Variants in ST6GALNAC3 observed in about 807,000 individuals in gnomAD.
ST6GALNAC3 encodes alpha-N-acetylgalactosaminide alpha-2,6-sialyltransferase 3.
Under a neutral mutation model 32.7 loss-of-function variants are expected in ST6GALNAC3, and 25 were observed. The observed-to-expected ratio is 0.76, with a 90% CI of 0.56 to 1.07. The LOEUF is 1.07. Among genes scored for constraint, ST6GALNAC3 ranks in the 50% least tolerant of loss-of-function variants. The pLI is 0.00. For missense variants in ST6GALNAC3, 355 were observed against 382.4 expected, an observed-to-expected ratio of 0.93 and a Z score of 0.60; for synonymous variants, 129 against 133.1, an observed-to-expected ratio of 0.97 and a Z score of 0.21.
intron 1 of ST6GALNAC3, among the ~76,000 whole-genome samples, chr1:76,219,237 G>A (rs1468300026): frequency 6.6e-6 from 1 of 152,210 alleles, no homozygotes; most frequent in Non-Finnish European, 1.5e-5. Flanking sequence ...GGATATGGCT[G>A]TTCCTGCTCT....
intron 1 of ST6GALNAC3, among the ~76,000 whole-genome samples, chr1:76,096,145 A>G (rs1167524191): frequency 1.3e-5 from 2 of 152,168 alleles, no homozygotes; most frequent in East Asian, 1.9e-4. Context: ...ATGCAGAAGA[A>G]TATTAAGTTT....
chr1:76,221,975 T>A (rs1293667362), intron 1 of ST6GALNAC3, among the ~76,000 whole-genome samples: 1 of 152,186 alleles, frequency 6.6e-6, no homozygotes, highest in Non-Finnish European at 1.5e-5. Context: ...GTAATGTGAA[T>A]GATGGACAGG....
rs543779949 is a variant in ST6GALNAC3 at position 76,453,184 on chromosome 1, A to G, written c.623+40767A>G. 6.0e-4 allele frequency among the ~76,000 whole-genome samples: 92 copies of G among 152,174 alleles called. 1 individual carries two copies. The highest frequency in any genetic ancestry group is 2.1e-3 in the African/African-American group (88 of 41,524). On this transcript the variant is annotated intron_variant, in intron 3 of 4. Coordinates refer to ENST00000328299, the MANE Select transcript of ST6GALNAC3 (RefSeq NM_152996.4). ...ATTTTCTGTCTTCTTTTCTTGGTTA[A>G]TCTTGCTAGTGGTCTATCAATTTTA...
At chr1:76,535,814 A>AT (rs142475545) in intron 3 of ST6GALNAC3, among the ~76,000 whole-genome samples, 15 of 150,158 alleles carry the variant, frequency 1.0e-4, no homozygotes, top group South Asian at 4.2e-4. Flanking sequence ...CTATAAGGCT[A>AT]TTTTTTTTTT....
intron 3 of ST6GALNAC3, among the ~76,000 whole-genome samples, chr1:76,432,279 T>C (rs1655810453): frequency 6.6e-6 from 1 of 152,136 alleles, no homozygotes; most frequent in Non-Finnish European, 1.5e-5. Context: ...AAGGACATCT[T>C]GGTTGTTTCC....
chr1:76,302,009 A>G (rs962663761), intron 1 of ST6GALNAC3, among the ~76,000 whole-genome samples: 8 of 152,012 alleles, frequency 5.3e-5, no homozygotes, highest in African/African-American at 1.9e-4. Flanking sequence ...ATCATTTAAA[A>G]TAGTCCAGGC....
At chr1:76,383,944 T>C (rs1651910197) in intron 2 of ST6GALNAC3, among the ~76,000 whole-genome samples, 1 of 152,168 alleles carries the variant, frequency 6.6e-6, no homozygotes. Flanking sequence ...ATGGGAAATT[T>C]TCTTAAGTAC....
intron 3 of ST6GALNAC3, among the ~76,000 whole-genome samples, chr1:76,511,572 T>C (rs1332276722): frequency 6.6e-6 from 1 of 152,222 alleles, no homozygotes; most frequent in Non-Finnish European, 1.5e-5. Flanking sequence ...AGAGCAAAGA[T>C]ACAGAATTTT....
intron 1 of ST6GALNAC3, among the ~76,000 whole-genome samples, chr1:76,181,624 A>C (rs1653186092): frequency 6.6e-6 from 1 of 152,190 alleles, no homozygotes; most frequent in Non-Finnish European, 1.5e-5. Flanking sequence ...TATTCACGTT[A>C]CCTAGCTATT....
chr1:76,157,010 T>C (rs996432788), intron 1 of ST6GALNAC3, among the ~76,000 whole-genome samples: 57 of 152,152 alleles, frequency 3.7e-4, no homozygotes, highest in African/African-American at 9.7e-4. Context: ...GGATTACAGG[T>C]GTAAGCCACG....
chr1:76,448,573 C>G (rs148126340), intron 3 of ST6GALNAC3, among the ~76,000 whole-genome samples: 32 of 152,198 alleles, frequency 2.1e-4, no homozygotes, highest in African/African-American at 7.0e-4. Context: ...GTGGGAGGGA[C>G]CTGGTGGGAG....
intron 2 of ST6GALNAC3, among the ~76,000 whole-genome samples, chr1:76,410,851 G>C (rs146215228): frequency 6.6e-6 from 1 of 152,238 alleles, no homozygotes; most frequent in East Asian, 1.9e-4. Context: ...ACGGGGGAAT[G>C]GAGTTAAAAT....
At chr1:76,237,090 G>T (rs1203625175) in intron 1 of ST6GALNAC3, among the ~76,000 whole-genome samples, 4 of 152,196 alleles carry the variant, frequency 2.6e-5, no homozygotes, top group Non-Finnish European at 5.9e-5. Context: ...CGGTGAGGAA[G>T]ATTCAGGTTT....
At chr1:76,183,183 C>T (rs555023267) in intron 1 of ST6GALNAC3, among the ~76,000 whole-genome samples, 1 of 152,264 alleles carries the variant, frequency 6.6e-6, no homozygotes, top group Admixed American at 6.5e-5. Flanking sequence ...CTGTACACCA[C>T]TTTAGCTCTG....
intron 3 of ST6GALNAC3, among the ~76,000 whole-genome samples, chr1:76,451,890 C>T (rs1657431250): frequency 6.6e-6 from 1 of 152,134 alleles, no homozygotes; most frequent in African/African-American, 2.4e-5. Flanking sequence ...TCCTCTTTGC[C>T]AATTTGGATG....
intron 2 of ST6GALNAC3, among the ~76,000 whole-genome samples, chr1:76,347,275 CCCTTTAG>C (rs1648600010): frequency 6.6e-6 from 1 of 151,984 alleles, no homozygotes; most frequent in South Asian, 2.1e-4. Flanking sequence ...GATTTTATTG[CCCTTTAG>C]ACTATTAAGC....
chr1:76,168,639 T>C (rs1652279576), intron 1 of ST6GALNAC3, among the ~76,000 whole-genome samples: 1 of 152,240 alleles, frequency 6.6e-6, no homozygotes, highest in Non-Finnish European at 1.5e-5. Flanking sequence ...GCTTTACGAA[T>C]CTGAGTGTTC....
At chr1:76,402,015 C>T (rs1464755421) in intron 2 of ST6GALNAC3, among the ~76,000 whole-genome samples, 2 of 146,700 alleles carry the variant, frequency 1.4e-5, no homozygotes, top group Admixed American at 7.1e-5. Context: ...GTTAAGTCTT[C>T]GATGGTTTAG....
intron 1 of ST6GALNAC3, among the ~76,000 whole-genome samples, chr1:76,079,297 T>C (rs534090748): frequency 8.6e-4 from 131 of 152,364 alleles, no homozygotes; most frequent in Admixed American, 1.7e-3. Flanking sequence ...AAATTTGTAT[T>C]AGTCATTTGT....
Sources: allele counts gnomAD v4.1 joint callset (sites outside exome capture counted in the v4.1 genomes callset), GRCh38; gene constraint gnomAD v4.1.1; transcripts MANE v1.5; gene names NCBI Gene and HGNC (gene_info 2026-07-23, HGNC 2026-07-21).